The following CELF2 variants were observed in gnomAD, a reference collection of about 807,000 sequenced individuals.
CELF2 encodes CUGBP Elav-like family member 2.
In CELF2, 8 loss-of-function variants were observed where a neutral mutation model predicts 62.6. The ratio of observed to expected loss-of-function variants is 0.13; its 90% confidence interval spans 0.07 to 0.23. The LOEUF (loss-of-function observed/expected upper bound fraction) is 0.23. Among genes scored for constraint, CELF2 ranks in the 10% least tolerant of loss-of-function variants. CELF2 has a pLI of 1.00. For synonymous variants in CELF2, 258 were observed against 250.0 expected (o/e 1.03, Z -0.30); for missense variants, 333 against 671.0 (o/e 0.50, Z 5.56).
intron 1 of CELF2, among the ~76,000 whole-genome samples, chr10:11,068,762 G>A (rs555860213): frequency 2.6e-5 from 4 of 152,132 alleles, no homozygotes; most frequent in Non-Finnish European, 4.4e-5. Flanking sequence ...GGGTTTCACC[G>A]TGTTAGCCAA....
rs542834670 is a variant in CELF2 at position 11,098,031 on chromosome 10, G to A, written c.75-67455G>A. The A allele has an allele frequency of 6.6e-6, 1 of 152,444 alleles. No homozygotes were observed. The highest frequency in any genetic ancestry group is 6.5e-5 in the Admixed American group (1 of 15,310). The allele number at this position is 152,444 out of a possible 1,614,324, so 9.4% of individuals were successfully genotyped here. A position where few individuals can be genotyped will look rare whatever the true frequency, so the allele number is the denominator to read the frequency against. The stretch of plus-strand genomic sequence containing the variant: ...ACAGTGAGCACTCACCACAGGCTGT[G>A]AGGCCTCATCACTGAACCAGGGCTG... On this transcript the variant is annotated intron_variant, in intron 1 of 12. Coordinates refer to ENST00000633077, the MANE Select transcript of CELF2 (RefSeq NM_001326342.2). The surrounding 1 kb of genome is among the most constrained non-coding windows in gnomAD (Gnocchi z 4.0).
intron 1 of CELF2, among the ~76,000 whole-genome samples, chr10:10,814,819 G>C (rs2056294904): frequency 6.6e-6 from 1 of 152,168 alleles, no homozygotes; most frequent in African/African-American, 2.4e-5. Flanking sequence ...TGGGAGGTGG[G>C]AACAGAAGAA....
chr10:11,144,344 A>G (rs952167643), intron 1 of CELF2, among the ~76,000 whole-genome samples: 1 of 152,216 alleles, frequency 6.6e-6, no homozygotes, highest in Non-Finnish European at 1.5e-5. Flanking sequence ...CAATTTAGCC[A>G]TGGGATATAA....
At chr10:10,487,562 G>T in the CELF2 span, among the ~76,000 whole-genome samples, 1 of 152,030 alleles carries the variant, frequency 6.6e-6, no homozygotes, top group African/African-American at 2.4e-5. Context: ...CTTCCATTGG[G>T]TATTACAATA....
rs564930728 is a variant in CELF2, at chr10:10,843,355, T to C, written c.53+44538T>C. ...TACATGTATCAGGTTGAAATTGTTC[T>C]TTTTTAAGTTTAATTTCATAACCTA... On this transcript the variant is annotated intron_variant, in intron 1 of 13. Transcript: ENST00000636488. Among the ~76,000 whole-genome samples the C allele has an allele frequency of 1.3e-4, 20 of 152,188 alleles. No individual in the cohort carries two copies. The East Asian group carries it at 2.9e-3, about 22-fold the overall frequency.
rs930799900 is a variant in CELF2, at chr10:11,300,333, T to G, written c.976+11781T>G. 6.6e-6 allele frequency among the ~76,000 whole-genome samples: 1 copy of G among 152,176 alleles called. No individual in the cohort carries two copies. The highest frequency in any genetic ancestry group is 1.5e-5 in the Non-Finnish European group (1 of 68,034). ...CTAGACTGAATTTTCCTCTTCCCAG[T>G]CTTCCTGAGAACCAGTAGTGATGAC... On this transcript the variant is annotated intron_variant, in intron 9 of 12. Coordinates refer to ENST00000633077, the MANE Select transcript of CELF2 (RefSeq NM_001326342.2). The surrounding 1 kb of genome is among the most constrained non-coding windows in gnomAD (Gnocchi z 5.5).
At chr10:10,482,851 A>T in the CELF2 span, among the ~76,000 whole-genome samples, 1 of 152,278 alleles carries the variant, frequency 6.6e-6, no homozygotes, top group South Asian at 2.1e-4. Flanking sequence ...AGTGCCAGGT[A>T]CTGGATGACA....
intron 1 of CELF2, among the ~76,000 whole-genome samples, chr10:10,826,864 T>A (rs1295607895): frequency 2.0e-5 from 3 of 152,190 alleles, no homozygotes; most frequent in Non-Finnish European, 4.4e-5. Context: ...AATTTCCATG[T>A]AGGGAGTGGC....
intron 2 of CELF2, among the ~76,000 whole-genome samples, chr10:10,943,771 TG>T (rs140007919): frequency 0.32 from 46,245 of 143,228 alleles, 8,322 homozygotes; most frequent in East Asian, 0.74. Context: ...GCTTTTTTTT[TG>T]TTTTGTTTTT....
chr10:11,180,563 G>A (rs992487515), intron 2 of CELF2, among the ~76,000 whole-genome samples: 5 of 152,276 alleles, frequency 3.3e-5, no homozygotes, highest in Middle Eastern at 3.4e-3. Flanking sequence ...CCAGGCTGAC[G>A]CTATCTCCCA....
Position 11,138,713 on chromosome 10 carries a change from A to G in CELF2, c.75-26773A>G, listed in dbSNP as rs563294266. 2.0e-5 allele frequency among the ~76,000 whole-genome samples: 3 copies of G among 152,266 alleles called. No homozygotes were observed. In the East Asian group the frequency reaches 5.8e-4, roughly 29 times the overall value. The stretch of plus-strand genomic sequence containing the variant: ...AATCTTGTTTTCTTTAAAGAAGCCA[A>G]GATGCTAAAATGAGTGGCATGTGTT... On this transcript the variant is annotated intron_variant, in intron 1 of 12. Coordinates refer to ENST00000633077, the MANE Select transcript of CELF2 (RefSeq NM_001326342.2).
the CELF2 span, among the ~76,000 whole-genome samples, chr10:10,694,307 T>C: frequency 6.6e-6 from 1 of 150,674 alleles, no homozygotes; most frequent in Non-Finnish European, 1.5e-5. Flanking sequence ...TCAGTTTCCA[T>C]GTAGTTGAGC....
the CELF2 span, among the ~76,000 whole-genome samples, chr10:10,561,894 G>C: frequency 2.6e-5 from 4 of 152,302 alleles, no homozygotes; most frequent in East Asian, 3.9e-4. Context: ...TTTTCCCCCA[G>C]GGCCTAGGTG....
the CELF2 span, among the ~76,000 whole-genome samples, chr10:10,710,830 G>A: frequency 1.3e-5 from 2 of 152,116 alleles, no homozygotes; most frequent in Non-Finnish European, 2.9e-5. Flanking sequence ...TTTTAAAAGT[G>A]AAACAAATGG....
the CELF2 span, among the ~76,000 whole-genome samples, chr10:10,587,113 C>G: frequency 1.3e-5 from 2 of 152,102 alleles, no homozygotes; most frequent in African/African-American, 4.8e-5. Context: ...TCTTTAACCA[C>G]TTTGTCATGC....
At chr10:10,772,792 A>G in the CELF2 span, among the ~76,000 whole-genome samples, 4 of 152,338 alleles carry the variant, frequency 2.6e-5, no homozygotes, top group South Asian at 4.1e-4. Context: ...TGGGTAAAAG[A>G]TGTGAAAGAT....
chr10:11,247,282 G>A lies in CELF2; in HGVS notation c.355-1871G>A, dbSNP rs1209722621. Among the ~76,000 whole-genome samples the A allele has an allele frequency of 3.3e-5, 5 of 152,222 alleles. No individual in the cohort carries two copies. Among genetic ancestry groups the A allele is most frequent in the Middle Eastern group, 3.4e-3 (1 of 294 alleles). On this transcript the variant is annotated intron_variant, in intron 3 of 12. Transcript: ENST00000633077. The surrounding 1 kb of genome is among the most constrained non-coding windows in gnomAD (Gnocchi z 5.4). ...GAGCTGGGTGTTGCCCACCTTCACC[G>A]CCCCTTCCCGTGGTCCTCCATGCTC...
At position 11,197,085 on chromosome 10, in the gene CELF2, A is replaced by AG. The variant is rs1361113557; in HGVS notation, c.272-20339dup. Among the ~76,000 whole-genome samples the AG allele has an allele frequency of 3.0e-4, 42 of 142,092 alleles. 5 individuals are homozygous for AG. The highest frequency in any genetic ancestry group is 1.1e-3 in the African/African-American group (42 of 38,164). The allele number at this position is 142,092 out of a possible 152,430, so 93.2% of individuals were successfully genotyped here. On this transcript the variant is annotated intron_variant, in intron 2 of 12. Coordinates refer to ENST00000633077, the MANE Select transcript of CELF2 (RefSeq NM_001326342.2). ...AAGAAAGAAAGGAAAGAAAGAAAGA[A>AG]GAAAGAAAGAAGGGTTCCCATTGTT...
the CELF2 span, among the ~76,000 whole-genome samples, chr10:10,646,696 A>C: frequency 6.6e-6 from 1 of 152,322 alleles, no homozygotes; most frequent in Non-Finnish European, 1.5e-5. Flanking sequence ...AGCTGTGATG[A>C]AATACTGACC....
Sources: gnomAD v4.1 joint callset for allele counts (sites outside exome capture counted in the v4.1 genomes callset) on GRCh38, gnomAD v4.1.1 for gene constraint, Gnocchi (gnomAD v3.1) non-coding constraint, MANE v1.5 for transcripts, NCBI Gene and HGNC (gene_info 2026-07-23, HGNC 2026-07-21) for gene names.